Variants in TLE1 observed in about 807,000 individuals in gnomAD.
The protein encoded by TLE1 is transducin-like enhancer protein 1.
Under a neutral mutation model 89.8 loss-of-function variants are expected in TLE1, and 21 were observed. The observed-to-expected ratio is 0.23, with a 90% CI of 0.17 to 0.34. The LOEUF is 0.34. Ranked by LOEUF, TLE1 falls within the 10% of genes least tolerant of loss-of-function variation. The probability of loss-of-function intolerance (pLI) is 1.00; values close to 1 mark genes in which losing one functional copy is unlikely to be tolerated. For missense variants in TLE1, 795 were observed against 1,031.2 expected (o/e 0.77, Z 3.14); for synonymous variants, 447 against 407.6 (o/e 1.10, Z -1.16).
chr9:81,639,742 C>G (rs548714364), intron 6 of TLE1, among the ~76,000 whole-genome samples: 7 of 151,692 alleles, frequency 4.6e-5, no homozygotes, highest in Non-Finnish European at 1.0e-4. Flanking sequence ...CACCACCACA[C>G]CCAGCTAATT....
chr9:81,679,411 A>G (rs796820437), intron 4 of TLE1, among the ~76,000 whole-genome samples: 24 of 152,314 alleles, frequency 1.6e-4, no homozygotes, highest in African/African-American at 5.5e-4. Flanking sequence ...ACTTTTGTTA[A>G]ATCAGGTGAA....
chr9:81,633,324 T>TGTGTGTGTGTGTGTGTGTGTGC, intron 8 of TLE1, 24 bp downstream of exon 8: 1 of 1,607,068 alleles, frequency 6.2e-7, no homozygotes, highest in South Asian at 1.1e-5. Flanking sequence ...TGTGTGTGTG[T>TGTGTGTGTGTGTGTGTGTGTGC]GCAGCAGGCG....
At chr9:81,645,000 C>CAAAAA (rs150421441) in intron 6 of TLE1, among the ~76,000 whole-genome samples, 2 of 64,894 alleles carry the variant, frequency 3.1e-5, no homozygotes, top group African/African-American at 6.3e-5. Flanking sequence ...GACACTGTCT[C>CAAAAA]AAAAAAAAAA....
intron 14 of TLE1, among the ~76,000 whole-genome samples, chr9:81,594,382 G>C (rs948019557): frequency 6.6e-6 from 1 of 152,086 alleles, no homozygotes; most frequent in Non-Finnish European, 1.5e-5. Flanking sequence ...GTCCCTTGCA[G>C]GGACATGGAT....
intron 18 of TLE1, among the ~76,000 whole-genome samples, chr9:81,585,160 G>A (rs1157877719): frequency 6.6e-6 from 1 of 152,026 alleles, no homozygotes; most frequent in Non-Finnish European, 1.5e-5. Context: ...CCTCATCATG[G>A]CCAGCTCATA....
intron 6 of TLE1, among the ~76,000 whole-genome samples, chr9:81,635,885 T>A (rs1010553515): frequency 6.6e-6 from 1 of 152,180 alleles, no homozygotes; most frequent in Admixed American, 6.5e-5. Flanking sequence ...TCAGGCACAG[T>A]GGCTCACTAT....
rs773902127 is a variant in TLE1, at chr9:81,593,308, AC to A, written c.1332-35del. 50 of 1,580,166 alleles carry A rather than the reference AC, an allele frequency of 3.2e-5. 1 individual carries two copies. In the South Asian group the frequency reaches 5.7e-4, roughly 18 times the overall value. ...AAAACGATTGGAGAGAAGACAGAAA[AC>A]ACATTTACAGAGGAAGCAATCCCTA... is the stretch of plus-strand genomic sequence containing the variant. On this transcript the variant is annotated intron_variant, in intron 14 of 19. Coordinates refer to ENST00000376499, the MANE Select transcript of TLE1 (RefSeq NM_005077.5).
At chr9:81,658,206 C>T (rs1391929645) in intron 4 of TLE1, among the ~76,000 whole-genome samples, 2 of 152,044 alleles carry the variant, frequency 1.3e-5, no homozygotes, top group Non-Finnish European at 2.9e-5. Context: ...GCATGAGCCA[C>T]TGTGCCTGGC....
chr9:81,677,011 C>CG (rs760245817), intron 4 of TLE1, among the ~76,000 whole-genome samples: 9 of 151,942 alleles, frequency 5.9e-5, no homozygotes, highest in Non-Finnish European at 1.2e-4. Flanking sequence ...CCAAAATGGA[C>CG]GGATCACTTG....
At chr9:81,620,747 G>A (rs1208040780) in intron 8 of TLE1, 190 bp from the exon 9 acceptor site, 1 of 985,406 alleles carries the variant, frequency 1.0e-6, no homozygotes, top group Non-Finnish European at 1.2e-6. Context: ...GGGAGACCCT[G>A]ACTTTGCAAT....
At chr9:81,605,710 CAA>C (rs1431024575) in intron 14 of TLE1, among the ~76,000 whole-genome samples, 2 of 151,564 alleles carry the variant, frequency 1.3e-5, no homozygotes, top group Middle Eastern at 3.4e-3. Context: ...TAGGCATGGG[CAA>C]AGACTTCATG....
chr9:81,686,681 G>C (rs1443048581), intron 2 of TLE1, among the ~76,000 whole-genome samples: 1 of 152,160 alleles, frequency 6.6e-6, no homozygotes, highest in East Asian at 1.9e-4. Context: ...GTTCACTATT[G>C]GCAAAGTATT....
chr9:81,670,783 C>G (rs932042209), intron 4 of TLE1, among the ~76,000 whole-genome samples: 1 of 151,432 alleles, frequency 6.6e-6, no homozygotes, highest in African/African-American at 2.4e-5. Flanking sequence ...AAATAATAAC[C>G]CAAACAATGG....
chr9:81,593,008 A>C lies in TLE1; in HGVS notation c.1581+17T>G, dbSNP rs1564115217. The C allele has an allele frequency of 8.7e-6, 14 of 1,602,312 alleles. No homozygotes were observed. Among genetic ancestry groups the C allele is most frequent in the Non-Finnish European group, 1.2e-5 (14 of 1,170,266 alleles). On this transcript the variant is annotated intron_variant, in intron 15 of 19. Coordinates refer to ENST00000376499, the MANE Select transcript of TLE1 (RefSeq NM_005077.5). ...CAGGGAGAAATTGCCCTTGTGCACCAGTTCCTGTTCACTCACCAGACAGTC... is the reference window on the plus strand; with the variant it reads ...CAGGGAGAAATTGCCCTTGTGCACCCGTTCCTGTTCACTCACCAGACAGTC...
Position 81,583,887 on chromosome 9 carries a change from C to CAT in TLE1, c.*310_*311insAT. Reference sequence around the variant, plus strand: ...AAGGTAATCTCACACTTGGGCAAGGCGTGATCCCCAGATCACCCAGAAAGA... The same window carrying CAT: ...AAGGTAATCTCACACTTGGGCAAGGCATGTGATCCCCAGATCACCCAGAAAGA... On this transcript the variant is annotated 3_prime_UTR_variant, in exon 20 of 20. Transcript: ENST00000376499. The CAT allele has an allele frequency of 3.1e-6, 1 of 323,078 alleles. No homozygotes were observed. The highest frequency in any genetic ancestry group is 5.8e-6 in the Non-Finnish European group (1 of 171,208). 20.0% of individuals were successfully genotyped at this position (323,078 alleles called of 1,614,324 possible).
At chr9:81,597,896 T>C (rs888614692) in intron 14 of TLE1, among the ~76,000 whole-genome samples, 13 of 152,152 alleles carry the variant, frequency 8.5e-5, no homozygotes, top group African/African-American at 2.9e-4. Flanking sequence ...CAGGTTGTTT[T>C]TTCCTAGCAG....
At position 81,689,292 on chromosome 9, in the gene TLE1, C is replaced by T. The variant is rs1361662301; in HGVS notation, c.-1052G>A. 6.6e-6 allele frequency: 1 copy of T among 152,348 alleles called. No homozygotes were observed. The highest frequency in any genetic ancestry group is 2.4e-5 in the African/African-American group (1 of 41,472). The allele number at this position is 152,348 out of a possible 1,614,324, so 9.4% of individuals were successfully genotyped here. ...GTGCGCTCCGCCAATCGGCCACCCTCCCCGGCGGGCAAACTCTGCGGGCGA... is the reference window on the plus strand; with the variant it reads ...GTGCGCTCCGCCAATCGGCCACCCTTCCCGGCGGGCAAACTCTGCGGGCGA... On this transcript the variant is annotated 5_prime_UTR_variant, in exon 1 of 20. Coordinates refer to ENST00000376499, the MANE Select transcript of TLE1 (RefSeq NM_005077.5).
intron 14 of TLE1, among the ~76,000 whole-genome samples, chr9:81,607,774 T>C (rs1831883246): frequency 6.6e-6 from 1 of 152,070 alleles, no homozygotes; most frequent in African/African-American, 2.4e-5. Context: ...ACACACCAGG[T>C]AGTAACTAGT....
rs376401732 is a variant in TLE1 at position 81,651,014 on chromosome 9, G to GT, written c.372+1199dup. ...TTCTTTAATCCTCCTTGGCTCTTAT[G>GT]TTTTTTCTCCATCTCCAGTTGGGAT... On this transcript the variant is annotated intron_variant, in intron 6 of 19. Coordinates refer to ENST00000376499, the MANE Select transcript of TLE1 (RefSeq NM_005077.5). 2.5e-3 allele frequency among the ~76,000 whole-genome samples: 381 copies of GT among 152,192 alleles called. 3 individuals carry two copies. The highest frequency in any genetic ancestry group is 8.6e-3 in the African/African-American group (359 of 41,540).
Sources: gnomAD v4.1 joint callset for allele counts (sites outside exome capture counted in the v4.1 genomes callset) on GRCh38, gnomAD v4.1.1 for gene constraint, MANE v1.5 for transcripts, NCBI Gene and HGNC (gene_info 2026-07-23, HGNC 2026-07-21) for gene names.